Variants in FAM90A1 observed in about 807,000 individuals in gnomAD.
FAM90A1 encodes protein FAM90A1.
A neutral mutation model predicts 14.8 loss-of-function variants in FAM90A1; 10 were observed. That is an observed-to-expected ratio of 0.67 (90% confidence interval 0.42 to 1.14). The LOEUF is 1.14. Ranked by LOEUF, FAM90A1 falls within the 50% of genes most tolerant of loss-of-function variation. The pLI is 0.00. For synonymous variants in FAM90A1, 236 were observed against 248.4 expected, an observed-to-expected ratio of 0.95 and a Z score of 0.47; for missense variants, 567 against 602.8, an observed-to-expected ratio of 0.94 and a Z score of 0.62.
chr12:8,225,344 C>T (rs1948921035), intron 3 of FAM90A1, among the ~76,000 whole-genome samples: 1 of 152,240 alleles, frequency 6.6e-6, no homozygotes, highest in African/African-American at 2.4e-5. Flanking sequence ...CTACTCTTGC[C>T]GTTTCATTAG....
Position 8,223,533 on chromosome 12 carries a change from A to G in FAM90A1, c.348T>C (p.Ala116=), listed in dbSNP as rs769807504. ...GTTTCCTGGAAAATATGTGGAGGAG[A>G]GCCTTCCTCTGCGGGTCTTGTGGCC... ...RPRPQDPQRK[A]LLHIFSRKPP... The change falls in exon 6 of 7, where the codon GCT becomes GCC. Residue 116 remains alanine, a synonymous_variant. Coordinates refer to ENST00000538603, the MANE Select transcript of FAM90A1 (RefSeq NM_018088.3). The G allele has an allele frequency of 8.0e-5, 128 of 1,591,138 alleles. No homozygotes were observed. In the South Asian group the frequency reaches 1.4e-3, roughly 17 times the overall value.
In FAM90A1 at chr12:8,222,249, C is replaced by A. The variant is rs758289413; in HGVS notation, c.968G>T (p.Gly323Val). 1 of 1,611,386 alleles carries A rather than the reference C, an allele frequency of 6.2e-7. No homozygotes were observed. The highest frequency in any genetic ancestry group is 1.7e-5 in the Admixed American group (1 of 60,012). Residue 323 changes from glycine (G) to valine (V), a missense_variant, in exon 7 of 7, where the codon GGT becomes GTT. Transcript: ENST00000538603. ...GAGATTCTCCGGGGCCCCCAGCTCACCTCCCTGGATGGCGCTTTCGGGGAT... is the reference window on the plus strand; with the variant it reads ...GAGATTCTCCGGGGCCCCCAGCTCAACTCCCTGGATGGCGCTTTCGGGGAT... ...FQIPESAIQG[G>V]ELGAPENLQP...
In FAM90A1 at chr12:8,226,359, T is replaced by C. The variant is rs1384316307; in HGVS notation, c.-301A>G. 6.6e-6 allele frequency: 1 copy of C among 152,262 alleles called. No homozygotes were observed. The highest frequency in any genetic ancestry group is 1.5e-5 in the Non-Finnish European group (1 of 68,060). 9.4% of individuals were successfully genotyped at this position (152,262 alleles called of 1,614,324 possible). A position where few individuals can be genotyped will look rare whatever the true frequency, so the allele number is the denominator to read the frequency against. On this transcript the variant is annotated 5_prime_UTR_variant, in exon 2 of 7. Coordinates refer to ENST00000538603, the MANE Select transcript of FAM90A1 (RefSeq NM_018088.3). ...CCTTGACATGCAGTCACGGCCATGA[T>C]CCATCTTCAGAGCTTCTCTTTCTTC...
rs1414534928 is a variant in FAM90A1 at position 8,226,534 on chromosome 12, C to G, written c.-420-56G>C. ...CGCTTTGTCCTTCAGTGCCTGGCTC[C>G]CTTTTCAGCTGGTCTTGAGACTCCA... On this transcript the variant is annotated intron_variant, in intron 1 of 6. Coordinates refer to ENST00000538603, the MANE Select transcript of FAM90A1 (RefSeq NM_018088.3). 6.1e-5 allele frequency: 10 copies of G among 163,584 alleles called. No individual in the cohort carries two copies. The Admixed American group carries it at 6.5e-4, about 11-fold the overall frequency. 10.1% of individuals were successfully genotyped at this position (163,584 alleles called of 1,614,324 possible). A position where few individuals can be genotyped will look rare whatever the true frequency, so the allele number is the denominator to read the frequency against.
chr12:8,222,777 C>T lies in FAM90A1; in HGVS notation c.440G>A (p.Ser147Asn), dbSNP rs1307245442. The change falls in exon 7 of 7, where the codon AGC becomes AAC. Residue 147 changes from serine to asparagine, a missense_variant. Ser to Asn is a conservative substitution (Grantham distance 46). Transcript: ENST00000538603. Reference protein sequence around the residue: ...TESSDYLRVASGPMPVHTTSK... With the variant: ...TESSDYLRVANGPMPVHTTSK... ...GGTTGTGTGGACCGGCATTGGCCCG[C>T]TTGCAACCTGAAAGAGAGGAAACAA... 3 of 1,596,824 alleles carry T rather than the reference C, an allele frequency of 1.9e-6. No individual in the cohort carries two copies. The highest frequency in any genetic ancestry group is 2.5e-6 in the Non-Finnish European group (3 of 1,178,336).
intron 3 of FAM90A1, among the ~76,000 whole-genome samples, chr12:8,225,197 C>G (rs1948918697): frequency 6.6e-6 from 1 of 152,254 alleles, no homozygotes; most frequent in African/African-American, 2.4e-5. Context: ...TCACGATTCA[C>G]TCCGGTAGAA....
At chr12:8,224,643 G>A (rs1161309962) in intron 4 of FAM90A1, 67 bp downstream of exon 4, 6 of 1,158,118 alleles carry the variant, frequency 5.2e-6, no homozygotes, top group South Asian at 2.6e-5. Flanking sequence ...TCTGAGGACC[G>A]TGTGACACCC....
At chr12:8,224,514 C>T (rs1484557658) in intron 4 of FAM90A1, among the ~76,000 whole-genome samples, 196 bp downstream of exon 4, 1 of 152,228 alleles carries the variant, frequency 6.6e-6, no homozygotes, top group Non-Finnish European at 1.5e-5. Flanking sequence ...GGGAGGTTGC[C>T]CCCAAGAGTC....
chr12:8,222,828 G>C, intron 6 of FAM90A1, 44 bp from the exon 7 acceptor site: 2 of 1,556,516 alleles, frequency 1.3e-6, no homozygotes, highest in South Asian at 1.1e-5. Context: ...CCTCAGCATG[G>C]AGCCAACATG....
chr12:8,223,811 C>T (rs1484783064), intron 5 of FAM90A1, among the ~76,000 whole-genome samples: 1 of 152,178 alleles, frequency 6.6e-6, no homozygotes, highest in Non-Finnish European at 1.5e-5. Context: ...ACGAAGCGCC[C>T]CCGCCCCTCC....
intron 5 of FAM90A1, 111 bp downstream of exon 5, chr12:8,223,905 C>T (rs930651114): frequency 2.5e-5 from 28 of 1,104,478 alleles, no homozygotes; most frequent in South Asian, 4.2e-5. Context: ...TTCTCTGCAG[C>T]GTTCCTTCCC....
intron 3 of FAM90A1, among the ~76,000 whole-genome samples, chr12:8,225,540 A>G (rs202061244): frequency 1.1e-4 from 17 of 152,228 alleles, no homozygotes; most frequent in East Asian, 1.9e-4. Flanking sequence ...ATATCGTATC[A>G]ATGTCTTACA....
Position 8,225,518 on chromosome 12 carries a change from T to G in FAM90A1, c.-57+318A>C, listed in dbSNP as rs756433431. Among the ~76,000 whole-genome samples the G allele has an allele frequency of 5.6e-3, 855 of 152,284 alleles. 18 individuals are homozygous for G. Among genetic ancestry groups the G allele is most frequent in the Middle Eastern group, 0.01 (3 of 294 alleles). On this transcript the variant is annotated intron_variant, in intron 3 of 6. Transcript: ENST00000538603. ...CACACGAATTCATCTAAACGAACGGTGAACAAGTGCCATATCGTATCAATG... is the reference window on the plus strand; with the variant it reads ...CACACGAATTCATCTAAACGAACGGGGAACAAGTGCCATATCGTATCAATG...
rs1209664509 is a variant in FAM90A1, at chr12:8,222,890, C to T, written c.433-106G>A. The T allele has an allele frequency of 3.1e-6, 4 of 1,279,046 alleles. No homozygotes were observed. In the Admixed American group the frequency reaches 7.9e-5, roughly 25 times the overall value. The allele number at this position is 1,279,046 out of a possible 1,614,324, so 79.2% of individuals were successfully genotyped here. A position where few individuals can be genotyped will look rare whatever the true frequency, so the allele number is the denominator to read the frequency against. The stretch of plus-strand genomic sequence containing the variant: ...TGCACACGCCATGAAATTCTTAGTA[C>T]ACTATCGACAGGCGGTCCTTGGAAG... On this transcript the variant is annotated intron_variant, in intron 6 of 6. Coordinates refer to ENST00000538603, the MANE Select transcript of FAM90A1 (RefSeq NM_018088.3).
rs1948859225 is a variant in FAM90A1, at chr12:8,222,662, G to T, written c.555C>A (p.Pro185=). Residue 185 remains proline (P), a synonymous_variant, in exon 7 of 7, where the codon CCC becomes CCA. Transcript: ENST00000538603. ...AGGAGCTCAGACTGGCTTTTCTGAG[G>T]GGAGACAGTGAAGCTAAGACGGAGC... ...DRGSVLASLS[P]LRKASLSSSS... 1 of 1,610,990 alleles carries T rather than the reference G, an allele frequency of 6.2e-7. No homozygotes were observed. Among genetic ancestry groups the T allele is most frequent in the African/African-American group, 1.3e-5 (1 of 74,836 alleles).
At position 8,224,186 on chromosome 12, in the gene FAM90A1, G is replaced by A. The variant is rs77163560; in HGVS notation, c.153C>T (p.Gly51=). The change falls in exon 5 of 7, where the codon GGC becomes GGT. Residue 51 remains glycine, a synonymous_variant. Coordinates refer to ENST00000538603, the MANE Select transcript of FAM90A1 (RefSeq NM_018088.3). ...GGCACCTGGTACTTCTGGCCGTGTG[G>A]CCAAAGGCCTCACAGTTTTTGCACT... ...RLKCKNCEAF[G]HTARSTRCPM... is the part of the protein sequence containing the mutation. 1 of 1,612,036 alleles carries A rather than the reference G, an allele frequency of 6.2e-7. No individual in the cohort carries two copies. The highest frequency in any genetic ancestry group is 8.5e-7 in the Non-Finnish European group (1 of 1,179,848).
rs770072005 is a variant in FAM90A1 at position 8,221,797 on chromosome 12, C to G, written c.*25G>C. On this transcript the variant is annotated 3_prime_UTR_variant, in exon 7 of 7. Transcript: ENST00000538603. ...CCTCCAAGTCACGGGAGCTGGAGGC[C>G]AAGGAGCCCCTGCCACCTGCAGTCT... The G allele has an allele frequency of 6.3e-7, 1 of 1,588,576 alleles. No homozygotes were observed. The highest frequency in any genetic ancestry group is 8.5e-7 in the Non-Finnish European group (1 of 1,173,020).
rs1369948255 is a variant in FAM90A1 at position 8,222,001 on chromosome 12, A to G, written c.1216T>C (p.Ser406Pro). The G allele has an allele frequency of 6.3e-6, 10 of 1,598,594 alleles. No individual in the cohort carries two copies. The highest frequency in any genetic ancestry group is 6.8e-6 in the Non-Finnish European group (8 of 1,179,838). The change falls in exon 7 of 7, where the codon TCC becomes CCC. Residue 406 changes from serine (S) to proline (P), a missense_variant. Coordinates refer to ENST00000538603, the MANE Select transcript of FAM90A1 (RefSeq NM_018088.3). ...FRRLENGRWSSSLLTAPSFHS... is the reference protein window; with the variant it reads ...FRRLENGRWSPSLLTAPSFHS... ...AATGAGGGGGCCGTCAGCAGGCTGG[A>G]GCTCCAGCGTCCGTTTTCCAGTCTC...
chr12:8,227,556 C>A lies in FAM90A1; in HGVS notation c.-497G>T, dbSNP rs1380264185. 1 of 1,160,804 alleles carries A rather than the reference C, an allele frequency of 8.6e-7. No individual in the cohort carries two copies. Among genetic ancestry groups the A allele is most frequent in the African/African-American group, 1.6e-5 (1 of 62,744 alleles). 71.9% of individuals were successfully genotyped at this position (1,160,804 alleles called of 1,614,324 possible). ...CGTCAGGGGTCAGGGTGCACACATC[C>A]CTGCAGGTCTCGGGGCTCCTGGGTT... On this transcript the variant is annotated 5_prime_UTR_variant, in exon 1 of 7. Transcript: ENST00000538603.
Sources: allele counts gnomAD v4.1 joint callset (sites outside exome capture counted in the v4.1 genomes callset), GRCh38; gene constraint gnomAD v4.1.1; transcripts MANE v1.5; gene names NCBI Gene and HGNC (gene_info 2026-07-23, HGNC 2026-07-21).